The following ACVR1 variants were observed in gnomAD, a reference collection of about 807,000 sequenced individuals.
The protein encoded by ACVR1 is activin receptor type-1.
A neutral mutation model predicts 57.1 loss-of-function variants in ACVR1; 38 were observed. The observed-to-expected ratio is 0.67, with a 90% confidence interval of 0.51 to 0.87. The LOEUF (loss-of-function observed/expected upper bound fraction) is 0.87. Among genes scored for constraint, ACVR1 ranks in the 40% least tolerant of loss-of-function variants. ACVR1 has a pLI of 0.00. For synonymous variants in ACVR1, 212 were observed against 228.1 expected (o/e 0.93, Z 0.63); for missense variants, 463 against 638.2 (o/e 0.73, Z 2.96).
chr2:157,775,060 G>A lies in ACVR1; in HGVS notation c.544-873C>T, dbSNP rs192635364. Among the ~76,000 whole-genome samples, 484 of 152,292 alleles carry A rather than the reference G, an allele frequency of 3.2e-3. 2 individuals carry two copies. Among genetic ancestry groups the A allele is most frequent in the Non-Finnish European group, 4.3e-3 (294 of 68,018 alleles). Reference sequence around the variant, plus strand: ...AAACAACTCTAATGTGATTTGTAACGAAAAGACTCCAATGACCATGTGGAT... The same window carrying A: ...AAACAACTCTAATGTGATTTGTAACAAAAAGACTCCAATGACCATGTGGAT... On this transcript the variant is annotated intron_variant, in intron 5 of 10. Coordinates refer to ENST00000434821, the MANE Select transcript of ACVR1 (RefSeq NM_001111067.4).
Position 157,737,564 on chromosome 2 carries a change from A to G in ACVR1, c.1497T>C (p.Asp499=). The change falls in exon 11 of 11, where the codon GAT becomes GAC. Residue 499 remains aspartate, a synonymous_variant. Transcript: ENST00000434821. ...LRIKKTLTKI[D]NSLDKLKTDC is the part of the protein sequence containing the mutation. ...CAGTTTTCAATTTGTCGAGGGAATT[A>G]TCAATTTTGGTCAAAGTCTTTTTGA... is the stretch of plus-strand genomic sequence containing the variant. The G allele has an allele frequency of 6.2e-7, 1 of 1,614,120 alleles. No homozygotes were observed. The highest frequency in any genetic ancestry group is 8.5e-7 in the Non-Finnish European group (1 of 1,179,988).
At chr2:157,807,680 T>C (rs1054472888) in intron 2 of ACVR1, among the ~76,000 whole-genome samples, 1 of 151,976 alleles carries the variant, frequency 6.6e-6, no homozygotes, top group African/African-American at 2.4e-5. Flanking sequence ...AGTCCTCAGG[T>C]AGACACTGTC....
intron 9 of ACVR1, among the ~76,000 whole-genome samples, chr2:157,751,714 C>T (rs1291007297): frequency 6.6e-6 from 1 of 152,134 alleles, no homozygotes; most frequent in Non-Finnish European, 1.5e-5. Context: ...ACATGCATGA[C>T]ACAGCAGAGG....
intron 1 of ACVR1, among the ~76,000 whole-genome samples, chr2:157,829,549 C>T (rs1000178084): frequency 4.7e-5 from 7 of 149,608 alleles, no homozygotes; most frequent in Admixed American, 4.0e-4. Flanking sequence ...TGATCTGGCC[C>T]CAGACATCTC....
intron 1 of ACVR1, among the ~76,000 whole-genome samples, chr2:157,818,806 C>T (rs1053952728): frequency 2.6e-5 from 4 of 152,074 alleles, no homozygotes; most frequent in African/African-American, 7.2e-5. Context: ...CGGCCGGGCG[C>T]GGTGGCTCAC....
intron 3 of ACVR1, among the ~76,000 whole-genome samples, chr2:157,786,661 C>T (rs1319743182): frequency 6.6e-6 from 1 of 152,052 alleles, no homozygotes; most frequent in Non-Finnish European, 1.5e-5. Context: ...ACAAGTGTTC[C>T]TTAAAAAAAT....
chr2:157,839,703 A>C (rs1688914178), intron 1 of ACVR1, among the ~76,000 whole-genome samples: 1 of 152,204 alleles, frequency 6.6e-6, no homozygotes, highest in Admixed American at 6.5e-5. Flanking sequence ...GAACATCCCA[A>C]GGGCATCAGG....
chr2:157,805,702 C>CCCA (rs774268659), intron 2 of ACVR1, among the ~76,000 whole-genome samples: 36 of 151,994 alleles, frequency 2.4e-4, no homozygotes, highest in Admixed American at 1.8e-3. Flanking sequence ...CAGGTCTTAA[C>CCCA]CCACCACCAC....
intron 1 of ACVR1, among the ~76,000 whole-genome samples, chr2:157,838,691 C>A (rs1020706858): frequency 6.6e-6 from 1 of 152,196 alleles, no homozygotes; most frequent in African/African-American, 2.4e-5. Context: ...GCCAGCCACA[C>A]TGCAGATTCC....
At chr2:157,770,639 C>T (rs542582620) in intron 6 of ACVR1, 125 bp from the exon 7 acceptor site, 3 of 992,600 alleles carry the variant, frequency 3.0e-6, no homozygotes, top group Non-Finnish European at 4.7e-6. Flanking sequence ...TGGAGAAACT[C>T]AGCTTGGGAA....
intron 1 of ACVR1, among the ~76,000 whole-genome samples, chr2:157,848,157 C>A (rs1689180641): frequency 6.6e-6 from 1 of 152,156 alleles, no homozygotes; most frequent in Admixed American, 6.5e-5. Context: ...CCCCCAAATT[C>A]TTTGGCTCTC....
chr2:157,858,234 G>A (rs1462150786), intron 1 of ACVR1, among the ~76,000 whole-genome samples: 1 of 152,040 alleles, frequency 6.6e-6, no homozygotes, highest in Non-Finnish European at 1.5e-5. Context: ...TATGGCGATA[G>A]GAGCCTCTCT....
In ACVR1 at chr2:157,766,067, C is replaced by G. The variant is rs766547414; in HGVS notation, c.920G>C (p.Arg307Pro). ...ACCACTAGCTATGGACAGCACTATT[C>G]GAAGGCAGCTAACTGTATCCAGAGT... is the stretch of plus-strand genomic sequence containing the variant. ...LTTLDTVSCL[R>P]IVLSIASGLA... The change falls in exon 8 of 11, where the codon CGA becomes CCA. Residue 307 changes from arginine (R) to proline (P), a missense_variant. Coordinates refer to ENST00000434821, the MANE Select transcript of ACVR1 (RefSeq NM_001111067.4). 1 of 1,614,022 alleles carries G rather than the reference C, an allele frequency of 6.2e-7. No homozygotes were observed. Among genetic ancestry groups the G allele is most frequent in the Middle Eastern group, 1.6e-4 (1 of 6,062 alleles).
Position 157,774,227 on chromosome 2 carries a change from A to AT in ACVR1, c.544-41dup, listed in dbSNP as rs751178195. ...AAGGGGGAAAAGAAACGATTGAGCA[A>AT]TATAGCTCCCACTTTGGAGTATTAG... On this transcript the variant is annotated intron_variant, in intron 5 of 10. Coordinates refer to ENST00000434821, the MANE Select transcript of ACVR1 (RefSeq NM_001111067.4). The AT allele has an allele frequency of 6.6e-5, 100 of 1,522,942 alleles. 1 individual carries two copies. The highest frequency in any genetic ancestry group is 1.8e-4 in the Admixed American group (11 of 59,886). The allele number at this position is 1,522,942 out of a possible 1,614,324, so 94.3% of individuals were successfully genotyped here.
intron 9 of ACVR1, among the ~76,000 whole-genome samples, chr2:157,743,423 G>A (rs761216379): frequency 6.6e-6 from 1 of 151,758 alleles, no homozygotes; most frequent in African/African-American, 2.4e-5. Flanking sequence ...CTTTAAATCG[G>A]ATATTCTGGG....
chr2:157,761,108 C>A (rs1257574931), intron 8 of ACVR1, 31 bp from the exon 9 acceptor site: 1 of 1,609,278 alleles, frequency 6.2e-7, no homozygotes, highest in Admixed American at 1.7e-5. Context: ...ATGTAATCAA[C>A]CCACTTCCTT....
At chr2:157,752,317 A>G (rs1685233662) in intron 9 of ACVR1, among the ~76,000 whole-genome samples, 1 of 152,202 alleles carries the variant, frequency 6.6e-6, no homozygotes. Context: ...AGCAGCCTTG[A>G]GCCCCAGACC....
Position 157,738,477 on chromosome 2 carries a change from T to C in ACVR1, c.1358A>G (p.Gln453Arg). The C allele has an allele frequency of 6.2e-7, 1 of 1,614,038 alleles. No homozygotes were observed. Among genetic ancestry groups the C allele is most frequent in the Non-Finnish European group, 8.5e-7 (1 of 1,179,952 alleles). ...DMRKVVCVDQQRPNIPNRWFS... is the reference protein window; with the variant it reads ...DMRKVVCVDQRRPNIPNRWFS... Reference sequence around the variant, plus strand: ...CCATCTGTTGGGTATGTTTGGCCTTTGTTGATCCACACAGACTACCTTCCT... The same window carrying C: ...CCATCTGTTGGGTATGTTTGGCCTTCGTTGATCCACACAGACTACCTTCCT... The change falls in exon 10 of 11, where the codon CAA becomes CGA. Residue 453 changes from glutamine (Q) to arginine (R), a missense_variant. By Grantham distance (43) the Gln-to-Arg change is conservative. Around this residue, in one of 3 missense-constraint regions of ACVR1, gnomAD observed 146 missense variants for 186.6 expected, o/e 0.78. Transcript: ENST00000434821.
rs546354583 is a variant in ACVR1, at chr2:157,836,739, C to A, written c.-182-18180G>T. 2.0e-4 allele frequency among the ~76,000 whole-genome samples: 30 copies of A among 152,264 alleles called. No individual in the cohort carries two copies. In the South Asian group the frequency reaches 5.2e-3, roughly 26 times the overall value. ...GGGTGCCTGACACAGTGAGCACACT[C>A]AAGGGGGTGTGCTGCAAGATAAAGG... On this transcript the variant is annotated intron_variant, in intron 1 of 10. Coordinates refer to ENST00000434821, the MANE Select transcript of ACVR1 (RefSeq NM_001111067.4).
Sources: allele counts gnomAD v4.1 joint callset (sites outside exome capture counted in the v4.1 genomes callset), GRCh38; gene constraint gnomAD v4.1.1; regional missense constraint gnomAD v4.1.1; transcripts MANE v1.5; gene names NCBI Gene and HGNC (gene_info 2026-07-23, HGNC 2026-07-21).